The following CNTN5 variants were observed in gnomAD, a reference collection of about 807,000 sequenced individuals.
CNTN5 encodes contactin-5.
CNTN5 carries 77 observed loss-of-function variants against 129.1 expected under a neutral mutation model. The ratio of observed to expected loss-of-function variants is 0.60; its 90% CI spans 0.50 to 0.72. CNTN5 has a LOEUF of 0.72. Ranked by LOEUF, CNTN5 falls within the 30% of genes least tolerant of loss-of-function variation. CNTN5 has a pLI of 0.00. For missense variants in CNTN5, 1,478 were observed against 1,328.8 expected, an observed-to-expected ratio of 1.11 and a Z score of -1.75; for synonymous variants, 509 against 465.6, an observed-to-expected ratio of 1.09 and a Z score of -1.20.
chr11:100,309,009 C>T (rs1309018280), intron 21 of CNTN5: 1 of 984,606 alleles, frequency 1.0e-6, no homozygotes. Context: ...TGAATAACAT[C>T]AATGAAATTT....
chr11:99,343,684 G>C (rs1157500642), intron 2 of CNTN5, among the ~76,000 whole-genome samples: 3 of 151,932 alleles, frequency 2.0e-5, no homozygotes, highest in African/African-American at 7.3e-5. Flanking sequence ...ATTTTTCAAG[G>C]AGCATTTTTG....
intron 2 of CNTN5, among the ~76,000 whole-genome samples, chr11:99,517,478 A>G (rs770387849): frequency 2.0e-5 from 3 of 152,018 alleles, no homozygotes; most frequent in Non-Finnish European, 4.4e-5. Context: ...ACTCTCCACA[A>G]TCTGGTCCCT....
At chr11:100,099,494 T>A (rs1392461994) in intron 13 of CNTN5, among the ~76,000 whole-genome samples, 2 of 152,094 alleles carry the variant, frequency 1.3e-5, no homozygotes, top group African/African-American at 4.8e-5. Flanking sequence ...TTGGTTAGAC[T>A]CTACTCTGTT....
At chr11:99,870,323 G>A (rs1948470337) in intron 6 of CNTN5, among the ~76,000 whole-genome samples, 1 of 152,000 alleles carries the variant, frequency 6.6e-6, no homozygotes. Context: ...AACAGCCACT[G>A]TCACTTCACT....
At chr11:99,175,945 A>G (rs1241045788) in intron 1 of CNTN5, among the ~76,000 whole-genome samples, 1 of 152,192 alleles carries the variant, frequency 6.6e-6, no homozygotes, top group East Asian at 1.9e-4. Flanking sequence ...GGTTTCAGTG[A>G]TACTACACCA....
intron 1 of CNTN5, among the ~76,000 whole-genome samples, chr11:99,042,784 A>C (rs1182376250): frequency 6.7e-6 from 1 of 148,658 alleles, no homozygotes; most frequent in East Asian, 1.9e-4. Context: ...GAATGAATGA[A>C]TGAATGTGGA....
At chr11:99,855,350 T>G (rs144315297) in intron 6 of CNTN5, among the ~76,000 whole-genome samples, 1 of 152,270 alleles carries the variant, frequency 6.6e-6, no homozygotes, top group Non-Finnish European at 1.5e-5. Flanking sequence ...CTTTGGGTTT[T>G]GAGACCTTTA....
intron 1 of CNTN5, among the ~76,000 whole-genome samples, chr11:99,190,222 C>A (rs574639784): frequency 6.6e-6 from 1 of 151,704 alleles, no homozygotes; most frequent in South Asian, 2.1e-4. Context: ...GGATTTATTT[C>A]TGGGGTTTCT....
chr11:100,337,079 T>G lies in CNTN5; in HGVS notation c.2731-3384T>G. ...AATGCTGAGATTTCACAAATCACTC[T>G]TGTAGGGATCATCAGACATGCAGAG... On this transcript the variant is annotated intron_variant, in intron 21 of 24. Coordinates refer to ENST00000524871, the MANE Select transcript of CNTN5 (RefSeq NM_014361.4). 4.6e-6 allele frequency: 6 copies of G among 1,309,516 alleles called. No individual in the cohort carries two copies. The South Asian group carries it at 7.1e-5, about 15-fold the overall frequency. The allele number at this position is 1,309,516 out of a possible 1,614,324, so 81.1% of individuals were successfully genotyped here. A position where few individuals can be genotyped will look rare whatever the true frequency, so the allele number is the denominator to read the frequency against.
chr11:99,478,778 C>G (rs1945478578), intron 2 of CNTN5, among the ~76,000 whole-genome samples: 1 of 152,108 alleles, frequency 6.6e-6, no homozygotes, highest in Non-Finnish European at 1.5e-5. Flanking sequence ...TGCTACATGA[C>G]TTCAGCTATA....
At chr11:99,352,417 T>C (rs1455964584) in intron 2 of CNTN5, among the ~76,000 whole-genome samples, 3 of 152,202 alleles carry the variant, frequency 2.0e-5, no homozygotes, top group African/African-American at 7.2e-5. Flanking sequence ...ATATTTATTT[T>C]TCTGACTTGG....
intron 2 of CNTN5, among the ~76,000 whole-genome samples, chr11:99,524,534 G>C (rs186306515): frequency 6.6e-6 from 1 of 151,932 alleles, no homozygotes; most frequent in African/African-American, 2.4e-5. Flanking sequence ...CTTATAGGCC[G>C]AGAGCAGTGG....
intron 22 of CNTN5, 146 bp from the exon 23 acceptor site, chr11:100,340,947 C>T (rs1360646851): frequency 1.5e-6 from 1 of 656,414 alleles, no homozygotes; most frequent in South Asian, 2.0e-5. Flanking sequence ...GGAGCAAAAC[C>T]CTCCTTATCT....
intron 13 of CNTN5, among the ~76,000 whole-genome samples, chr11:100,152,042 C>A (rs1181872001): frequency 1.3e-5 from 2 of 152,156 alleles, no homozygotes; most frequent in Non-Finnish European, 2.9e-5. Flanking sequence ...CCTTTAGTCA[C>A]AATTTTATTC....
intron 3 of CNTN5, among the ~76,000 whole-genome samples, chr11:99,628,611 GACACACACACACACAC>G (rs10607009): frequency 5.6e-4 from 82 of 147,254 alleles, no homozygotes; most frequent in African/African-American, 2.1e-3. Context: ...GCTAAATAAT[GACACACACACACACAC>G]ACACACACAC....
At chr11:99,801,375 C>CAT (rs1292811702) in intron 3 of CNTN5, among the ~76,000 whole-genome samples, 1 of 152,058 alleles carries the variant, frequency 6.6e-6, no homozygotes, top group East Asian at 1.9e-4. Context: ...TTTTCCTTAG[C>CAT]ATTGACTTTG....
chr11:100,181,489 C>T (rs7933176), intron 13 of CNTN5, among the ~76,000 whole-genome samples: 29,897 of 151,630 alleles, frequency 0.2, 3,037 homozygotes, highest in Non-Finnish European at 0.21. Context: ...TTAGAAATGT[C>T]CAATATTTTT....
chr11:99,446,619 G>A (rs1448917803), intron 2 of CNTN5, among the ~76,000 whole-genome samples: 1 of 152,116 alleles, frequency 6.6e-6, no homozygotes, highest in Non-Finnish European at 1.5e-5. Flanking sequence ...TGGTCTGTAT[G>A]CTAAATGAAT....
At chr11:99,463,922 C>A (rs914855423) in intron 2 of CNTN5, among the ~76,000 whole-genome samples, 1 of 152,024 alleles carries the variant, frequency 6.6e-6, no homozygotes, top group African/African-American at 2.4e-5. Flanking sequence ...ATTGATTTTT[C>A]TGAATATAAA....
Sources: gnomAD v4.1 joint callset for allele counts (sites outside exome capture counted in the v4.1 genomes callset) on GRCh38, gnomAD v4.1.1 for gene constraint, MANE v1.5 for transcripts, NCBI Gene and HGNC (gene_info 2026-07-23, HGNC 2026-07-21) for gene names.